CFL1: variants seen among roughly 807,000 people sequenced by gnomAD.
The protein encoded by CFL1 is cofilin-1.
In CFL1, 2 loss-of-function variants were observed where a neutral mutation model predicts 16.3. The ratio of observed to expected loss-of-function variants is 0.12; its 90% CI spans 0.05 to 0.39. CFL1 has a LOEUF of 0.39. Among genes scored for constraint, CFL1 ranks in the 10% least tolerant of loss-of-function variants. The pLI is 0.99. For missense variants in CFL1, 75 were observed against 212.2 expected, an observed-to-expected ratio of 0.35 and a Z score of 4.02; for synonymous variants, 111 against 84.4, an observed-to-expected ratio of 1.31 and a Z score of -1.73.
intron 1 of CFL1, chr11:65,857,491 T>A: frequency 2.6e-6 from 1 of 384,200 alleles, no homozygotes; most frequent in South Asian, 1.7e-5. Context: ...CGATGCCCCC[T>A]CCAAGCCTTG....
chr11:65,855,005 G>A lies in CFL1; in HGVS notation c.*331C>T, dbSNP rs1453568053. 3.1e-6 allele frequency: 1 copy of A among 321,790 alleles called. No homozygotes were observed. The highest frequency in any genetic ancestry group is 7.6e-5 in the East Asian group (1 of 13,224). The allele number at this position is 321,790 out of a possible 1,614,324, so 19.9% of individuals were successfully genotyped here. A position where few individuals can be genotyped will look rare whatever the true frequency, so the allele number is the denominator to read the frequency against. ...TTGCGGTTAGAAGTTGGCAGCATGG[G>A]AAGGGGGAGGACCAGGTGGGGAATG... On this transcript the variant is annotated 3_prime_UTR_variant, in exon 4 of 4. Coordinates refer to ENST00000308162, the MANE Select transcript of CFL1 (RefSeq NM_005507.3).
At chr11:65,855,472 C>T in intron 3 of CFL1, 24 bp from the exon 4 acceptor site, 9 of 1,609,646 alleles carry the variant, frequency 5.6e-6, no homozygotes, top group Non-Finnish European at 7.7e-6. Flanking sequence ...AGGGGAGCAT[C>T]TGTGAGCAGG....
chr11:65,855,486 C>T (rs1397680237), intron 3 of CFL1, 38 bp from the exon 4 acceptor site: 7 of 1,599,260 alleles, frequency 4.4e-6, no homozygotes, highest in Non-Finnish European at 6.0e-6. Flanking sequence ...GAGCAGGAAG[C>T]ACTGGGGTGG....
Position 65,858,177 on chromosome 11 carries a change from G to C in CFL1, c.-78C>G. ...CTGCAGCCGCTGCCGGGACCCGACT[G>C]AACGCGGCCTCTCCCGGCCCCTTCC... On this transcript the variant is annotated 5_prime_UTR_variant, in exon 1 of 4. Coordinates refer to ENST00000308162, the MANE Select transcript of CFL1 (RefSeq NM_005507.3). 1 of 1,467,692 alleles carries C rather than the reference G, an allele frequency of 6.8e-7. No homozygotes were observed. The highest frequency in any genetic ancestry group is 9.1e-7 in the Non-Finnish European group (1 of 1,094,904). 90.9% of individuals were successfully genotyped at this position (1,467,692 alleles called of 1,614,324 possible). A position where few individuals can be genotyped will look rare whatever the true frequency, so the allele number is the denominator to read the frequency against.
rs1484497474 is a variant in CFL1 at position 65,858,082 on chromosome 11, T to C, written c.3+15A>G. ...CCGCAGCCGCCTCCCTCAGGCGCCG[T>C]GGCCTGCCGCTCACCATGTTTCCGG... is the stretch of plus-strand genomic sequence containing the variant. On this transcript the variant is annotated intron_variant, in intron 1 of 3. Transcript: ENST00000308162. 1 of 1,534,400 alleles carries C rather than the reference T, an allele frequency of 6.5e-7. No homozygotes were observed. Among genetic ancestry groups the C allele is most frequent in the Non-Finnish European group, 8.8e-7 (1 of 1,141,358 alleles).
rs1479779471 is a variant in CFL1 at position 65,857,341 on chromosome 11, C to T, written c.3+756G>A. The T allele has an allele frequency of 8.3e-6, 3 of 361,138 alleles. No individual in the cohort carries two copies. In the Admixed American group the frequency reaches 9.3e-5, roughly 11 times the overall value. The allele number at this position is 361,138 out of a possible 1,614,324, so 22.4% of individuals were successfully genotyped here. A position where few individuals can be genotyped will look rare whatever the true frequency, so the allele number is the denominator to read the frequency against. ...CTCAGGCCCATCCGGGAAGGCCTCG[C>T]TGGCCCAGGGCTTCGGCACCGGCGG... On this transcript the variant is annotated intron_variant, in intron 1 of 3. Coordinates refer to ENST00000308162, the MANE Select transcript of CFL1 (RefSeq NM_005507.3).
At chr11:65,856,584 T>G in intron 1 of CFL1, 1 of 273,178 alleles carries the variant, frequency 3.7e-6, no homozygotes, top group South Asian at 3.8e-5. Context: ...CTCTCAGCCT[T>G]TGGATAAAAC....
chr11:65,856,703 C>T (rs1239862473), intron 1 of CFL1: 1 of 186,488 alleles, frequency 5.4e-6, no homozygotes, highest in Non-Finnish European at 1.1e-5. Context: ...GGACACCGAA[C>T]AGTTACAACA....
chr11:65,858,156 AG>A lies in CFL1; in HGVS notation c.-58del. 1 of 1,511,216 alleles carries A rather than the reference AG, an allele frequency of 6.6e-7. No individual in the cohort carries two copies. The highest frequency in any genetic ancestry group is 8.9e-7 in the Non-Finnish European group (1 of 1,128,594). 93.6% of individuals were successfully genotyped at this position (1,511,216 alleles called of 1,614,324 possible). A position where few individuals can be genotyped will look rare whatever the true frequency, so the allele number is the denominator to read the frequency against. ...GAGCCGCAGAAGACGAGAGCGCTGC[AG>A]CCGCTGCCGGGACCCGACTGAACGC... On this transcript the variant is annotated 5_prime_UTR_variant, in exon 1 of 4. Coordinates refer to ENST00000308162, the MANE Select transcript of CFL1 (RefSeq NM_005507.3).
At chr11:65,856,264 C>T (rs767913964) in intron 1 of CFL1, 22 bp from the exon 2 acceptor site, 23 of 1,602,908 alleles carry the variant, frequency 1.4e-5, no homozygotes, top group Admixed American at 1.2e-4. Context: ...GCCACGTATA[C>T]GTCAAGAAAA....
chr11:65,855,864 C>T, intron 2 of CFL1, 71 bp downstream of exon 2: 1 of 1,552,730 alleles, frequency 6.4e-7, no homozygotes, highest in Non-Finnish European at 8.8e-7. Flanking sequence ...TCTGGGTTGA[C>T]CAGGAGCCAC....
In CFL1 at chr11:65,858,101, T is replaced by C. The variant is rs955948211; in HGVS notation, c.-2A>G. ...GCGCCGTGGCCTGCCGCTCACCATG[T>C]TTCCGGAAACGAAAAGGAGAGGGCA... On this transcript the variant is annotated 5_prime_UTR_variant, in exon 1 of 4. Coordinates refer to ENST00000308162, the MANE Select transcript of CFL1 (RefSeq NM_005507.3). The C allele has an allele frequency of 2.6e-6, 4 of 1,533,624 alleles. No individual in the cohort carries two copies. The highest frequency in any genetic ancestry group is 3.5e-6 in the Non-Finnish European group (4 of 1,140,676).
At chr11:65,857,401 A>T (rs1287376853) in intron 1 of CFL1, 1 of 431,666 alleles carries the variant, frequency 2.3e-6, no homozygotes, top group Admixed American at 2.4e-5. Flanking sequence ...GCCGACAGAC[A>T]GCGCCGTTCC....
chr11:65,858,146 A>G lies in CFL1; in HGVS notation c.-47T>C. The stretch of plus-strand genomic sequence containing the variant: ...AGGGCACCGAGAGCCGCAGAAGACG[A>G]GAGCGCTGCAGCCGCTGCCGGGACC... On this transcript the variant is annotated 5_prime_UTR_variant, in exon 1 of 4. Transcript: ENST00000308162. The G allele has an allele frequency of 1.3e-6, 2 of 1,515,692 alleles. No individual in the cohort carries two copies. Among genetic ancestry groups the G allele is most frequent in the Middle Eastern group, 2.3e-4 (1 of 4,276 alleles). 93.9% of individuals were successfully genotyped at this position (1,515,692 alleles called of 1,614,324 possible). A position where few individuals can be genotyped will look rare whatever the true frequency, so the allele number is the denominator to read the frequency against.
chr11:65,856,880 C>T (rs1429590185), intron 1 of CFL1: 1 of 153,566 alleles, frequency 6.5e-6, no homozygotes, highest in African/African-American at 2.4e-5. Flanking sequence ...TAAAAATTAA[C>T]ATGCCAAACT....
At chr11:65,857,929 C>A in intron 1 of CFL1, 168 bp downstream of exon 1, 1 of 585,368 alleles carries the variant, frequency 1.7e-6, no homozygotes, top group Non-Finnish European at 2.6e-6. Flanking sequence ...CTCCCCGGCG[C>A]CCACGGGCGC....
At chr11:65,857,340 G>C (rs974345394) in intron 1 of CFL1, 2 of 358,804 alleles carry the variant, frequency 5.6e-6, no homozygotes, top group Non-Finnish European at 1.1e-5. Flanking sequence ...GGAAGGCCTC[G>C]CTGGCCCAGG....
chr11:65,856,596 G>T, intron 1 of CFL1: 1 of 260,950 alleles, frequency 3.8e-6, no homozygotes, highest in South Asian at 4.0e-5. Flanking sequence ...GGATAAAACT[G>T]GTGATTTAGA....
At position 65,858,140 on chromosome 11, in the gene CFL1, A is replaced by T. The variant is rs1591048378; in HGVS notation, c.-41T>A. 2.0e-5 allele frequency: 31 copies of T among 1,519,818 alleles called. No homozygotes were observed. The East Asian group carries it at 8.4e-4, about 41-fold the overall frequency. 94.1% of individuals were successfully genotyped at this position (1,519,818 alleles called of 1,614,324 possible). A position where few individuals can be genotyped will look rare whatever the true frequency, so the allele number is the denominator to read the frequency against. The stretch of plus-strand genomic sequence containing the variant: ...AAGGAGAGGGCACCGAGAGCCGCAG[A>T]AGACGAGAGCGCTGCAGCCGCTGCC... On this transcript the variant is annotated 5_prime_UTR_variant, in exon 1 of 4. Coordinates refer to ENST00000308162, the MANE Select transcript of CFL1 (RefSeq NM_005507.3).
Sources: gnomAD v4.1 joint callset for allele counts on GRCh38, gnomAD v4.1.1 for gene constraint, MANE v1.5 for transcripts, NCBI Gene and HGNC (gene_info 2026-07-23, HGNC 2026-07-21) for gene names.